HSPA4L: variants seen among roughly 807,000 people sequenced by gnomAD.
HSPA4L encodes heat shock protein family A (Hsp70) member 4 like.
In HSPA4L, 48 loss-of-function variants were observed where a neutral mutation model predicts 100.3. That is an observed-to-expected ratio of 0.48 (90% CI 0.38 to 0.61). The LOEUF is 0.61. HSPA4L is among the 20% of genes least tolerant of loss of function. The probability of loss-of-function intolerance (pLI) is 0.00; values close to 1 mark genes in which losing one functional copy is unlikely to be tolerated. For synonymous variants in HSPA4L, 319 were observed against 328.2 expected (o/e 0.97, Z 0.30); for missense variants, 886 against 988.6 (o/e 0.90, Z 1.39).
At chr4:127,809,562 C>G (rs963701812) in intron 11 of HSPA4L, 3 of 707,556 alleles carry the variant, frequency 4.2e-6, no homozygotes, top group Admixed American at 2.1e-5. Context: ...CTGTGACTTT[C>G]AAAATTTTGG....
intron 12 of HSPA4L, among the ~76,000 whole-genome samples, chr4:127,817,257 G>C (rs536640348): frequency 6.6e-6 from 1 of 152,084 alleles, no homozygotes; most frequent in African/African-American, 2.4e-5. Context: ...GTAGAGACAG[G>C]GTTTCACCGT....
Position 127,794,004 on chromosome 4 carries a change from A to T in HSPA4L, c.108-73A>T, listed in dbSNP as rs144680927. The T allele has an allele frequency of 1.1e-4, 114 of 1,007,014 alleles. No homozygotes were observed. In the East Asian group the frequency reaches 2.9e-3, roughly 26 times the overall value. The allele number at this position is 1,007,014 out of a possible 1,614,324, so 62.4% of individuals were successfully genotyped here. ...TTTCTCCTTTTAAATTCATTTTCTTATAAGGAGAAGCAAAATAATAGCACA... is the reference window on the plus strand; with the variant it reads ...TTTCTCCTTTTAAATTCATTTTCTTTTAAGGAGAAGCAAAATAATAGCACA... On this transcript the variant is annotated intron_variant, in intron 1 of 18. Transcript: ENST00000296464.
At chr4:127,789,289 G>C (rs1270633879) in intron 1 of HSPA4L, among the ~76,000 whole-genome samples, 1 of 152,166 alleles carries the variant, frequency 6.6e-6, no homozygotes, top group Non-Finnish European at 1.5e-5. Context: ...GGTATTTTCT[G>C]ATAGTCTGAG....
At chr4:127,789,566 T>G (rs1304160358) in intron 1 of HSPA4L, among the ~76,000 whole-genome samples, 2 of 151,832 alleles carry the variant, frequency 1.3e-5, no homozygotes, top group Admixed American at 6.6e-5. Context: ...GAGAATGGCG[T>G]GAACCCGGGA....
chr4:127,815,906 G>T (rs539775688), intron 12 of HSPA4L, among the ~76,000 whole-genome samples: 3 of 152,288 alleles, frequency 2.0e-5, no homozygotes, highest in South Asian at 4.1e-4. Flanking sequence ...GCAGCTTAAG[G>T]GTAAGGAGTA....
chr4:127,782,644 G>T lies in HSPA4L; in HGVS notation c.94G>T (p.Asp32Tyr). The T allele has an allele frequency of 1.9e-6, 3 of 1,611,328 alleles. No individual in the cohort carries two copies. The highest frequency in any genetic ancestry group is 2.5e-6 in the Non-Finnish European group (3 of 1,178,006). The change falls in exon 1 of 19, where the codon GAC becomes TAC. Residue 32 changes from aspartate (D) to tyrosine (Y), a missense_variant. Asp to Tyr is a radical substitution (Grantham distance 160, BLOSUM62 -3). Transcript: ENST00000296464. ...CGAGACCATCGCCAATGAGTACAGC[G>T]ACAGGTGTACCCCGTAAGTGCCTCT... is the stretch of plus-strand genomic sequence containing the variant. ...GIETIANEYS[D>Y]RCTPACISLG...
chr4:127,818,267 A>G (rs1291747979), intron 12 of HSPA4L, 58 bp from the exon 13 acceptor site: 1 of 1,229,964 alleles, frequency 8.1e-7, no homozygotes, highest in Non-Finnish European at 1.2e-6. Context: ...TGCAGTTTAC[A>G]TTTTTAAAAC....
intron 13 of HSPA4L, 109 bp from the exon 14 acceptor site, chr4:127,820,319 A>T: frequency 4.4e-6 from 4 of 913,072 alleles, no homozygotes; most frequent in Non-Finnish European, 4.7e-6. Flanking sequence ...GTAGTACTTT[A>T]AAATAAATAT....
intron 5 of HSPA4L, 132 bp downstream of exon 5, chr4:127,801,369 C>T (rs972831169): frequency 8.1e-5 from 53 of 652,910 alleles, no homozygotes; most frequent in Non-Finnish European, 1.4e-4. Flanking sequence ...TTGAAAGCTG[C>T]AGTGAGCTAT....
chr4:127,790,196 C>G (rs142580885), intron 1 of HSPA4L, among the ~76,000 whole-genome samples: 1 of 152,176 alleles, frequency 6.6e-6, no homozygotes, highest in Non-Finnish European at 1.5e-5. Context: ...CTCTACTGTT[C>G]TAACAAAAAT....
Position 127,832,956 on chromosome 4 carries a change from C to A in HSPA4L, c.*82C>A, listed in dbSNP as rs1423288921. ...TTTTACATCTGGTACACACAACAGA[C>A]GCTCAGTTGTTCTTAACCACTTTTG... On this transcript the variant is annotated 3_prime_UTR_variant, in exon 19 of 19. Transcript: ENST00000296464. 1 of 997,740 alleles carries A rather than the reference C, an allele frequency of 1.0e-6. No homozygotes were observed. Among genetic ancestry groups the A allele is most frequent in the Non-Finnish European group, 1.4e-6 (1 of 698,576 alleles). The allele number at this position is 997,740 out of a possible 1,614,324, so 61.8% of individuals were successfully genotyped here. A position where few individuals can be genotyped will look rare whatever the true frequency, so the allele number is the denominator to read the frequency against.
upstream of HSPA4L, chr4:127,781,870 G>A: frequency 3.0e-6 from 1 of 335,934 alleles, no homozygotes; most frequent in Non-Finnish European, 6.1e-6. Flanking sequence ...TCTGAGGGCA[G>A]GGGGTGAGGG....
chr4:127,830,566 T>C, intron 17 of HSPA4L, 72 bp from the exon 18 acceptor site: 1 of 1,239,026 alleles, frequency 8.1e-7, no homozygotes. Context: ...ATTTTTAAAG[T>C]AGAAATTACT....
rs114573743 is a variant in HSPA4L at position 127,837,789 on chromosome 4, A to G, written c.*4915A>G. On this transcript the variant is annotated 3_prime_UTR_variant, in exon 19 of 19. Coordinates refer to ENST00000296464, the MANE Select transcript of HSPA4L (RefSeq NM_014278.4). ...CTATCACCTCTCTAATTTAAAATGC[A>G]TGAAAATTAATACTTTGTTTTTGTT... 6.6e-6 allele frequency: 1 copy of G among 152,068 alleles called. No homozygotes were observed. The highest frequency in any genetic ancestry group is 1.9e-4 in the East Asian group (1 of 5,192). The allele number at this position is 152,068 out of a possible 1,614,324, so 9.4% of individuals were successfully genotyped here. A position where few individuals can be genotyped will look rare whatever the true frequency, so the allele number is the denominator to read the frequency against.
rs529947210 is a variant in HSPA4L at position 127,794,516 on chromosome 4, T to A, written c.165+382T>A. On this transcript the variant is annotated intron_variant, in intron 2 of 18. Coordinates refer to ENST00000296464, the MANE Select transcript of HSPA4L (RefSeq NM_014278.4). ...GGTAGGAAAAATGAAAGAACTAATT[T>A]CCAGAGTAACTCAACGTGGCTACCA... Among the ~76,000 whole-genome samples, 3 of 152,158 alleles carry A rather than the reference T, an allele frequency of 2.0e-5. No individual in the cohort carries two copies. In the East Asian group the frequency reaches 5.8e-4, roughly 29 times the overall value.
chr4:127,783,708 C>G (rs2148772295), intron 1 of HSPA4L: 1 of 1,523,016 alleles, frequency 6.6e-7, no homozygotes, highest in South Asian at 1.2e-5. Context: ...TTTGACCGTT[C>G]TGAATGGTCC....
chr4:127,819,828 G>T (rs779181005), intron 13 of HSPA4L, among the ~76,000 whole-genome samples: 2 of 152,004 alleles, frequency 1.3e-5, no homozygotes, highest in Admixed American at 6.6e-5. Flanking sequence ...CGAATAATAC[G>T]GCATTGTATG....
chr4:127,827,604 A>G (rs1220978172), intron 17 of HSPA4L, among the ~76,000 whole-genome samples, 180 bp downstream of exon 17: 1 of 152,130 alleles, frequency 6.6e-6, no homozygotes, highest in Admixed American at 6.5e-5. Flanking sequence ...GGATTCTGAT[A>G]CATTTGAAAT....
intron 12 of HSPA4L, among the ~76,000 whole-genome samples, chr4:127,813,767 C>A (rs1343548570): frequency 1.3e-5 from 2 of 152,144 alleles, no homozygotes; most frequent in African/African-American, 2.4e-5. Context: ...CTCAGACTCC[C>A]AAGTAGCTGG....
Sources: allele counts gnomAD v4.1 joint callset (sites outside exome capture counted in the v4.1 genomes callset), GRCh38; gene constraint gnomAD v4.1.1; transcripts MANE v1.5; gene names NCBI Gene and HGNC (gene_info 2026-07-23, HGNC 2026-07-21).